The following BMPR1B variants were observed in gnomAD, a reference collection of about 807,000 sequenced individuals.
The protein encoded by BMPR1B is bone morphogenetic protein receptor type 1B.
BMPR1B carries 12 observed loss-of-function variants against 59.1 expected under a neutral mutation model. That is an observed-to-expected ratio of 0.20 (90% confidence interval 0.13 to 0.33). The LOEUF is 0.33. BMPR1B is among the 10% of genes least tolerant of loss of function. BMPR1B has a pLI of 1.00. For synonymous variants in BMPR1B, 237 were observed against 207.3 expected (o/e 1.14, Z -1.23); for missense variants, 550 against 610.9 (o/e 0.90, Z 1.05).
At position 95,058,228 on chromosome 4, in the gene BMPR1B, A is replaced by G. The variant is rs76050055; in HGVS notation, c.-17-46180A>G. On this transcript the variant is annotated intron_variant, in intron 3 of 12. Transcript: ENST00000515059. ...GCTAGTGTTATACATCGTTCATTCA[A>G]TCAGATTCTGGGAACTTAATGTCTG... 3.5e-3 allele frequency among the ~76,000 whole-genome samples: 527 copies of G among 152,296 alleles called. 1 individual carries two copies. The highest frequency in any genetic ancestry group is 0.012 in the African/African-American group (487 of 41,568).
At chr4:95,065,072 A>G (rs1490535077) in intron 3 of BMPR1B, among the ~76,000 whole-genome samples, 1 of 152,204 alleles carries the variant, frequency 6.6e-6, no homozygotes, top group Non-Finnish European at 1.5e-5. Flanking sequence ...ACTTGCACCC[A>G]GATGTTCATA....
At chr4:95,082,911 G>A (rs1729277421) in intron 3 of BMPR1B, among the ~76,000 whole-genome samples, 1 of 151,676 alleles carries the variant, frequency 6.6e-6, no homozygotes, top group South Asian at 2.1e-4. Flanking sequence ...GGTGGCGGGC[G>A]CCTGTAGTCC....
At chr4:94,780,903 T>C (rs548804412) in intron 1 of BMPR1B, among the ~76,000 whole-genome samples, 2 of 152,202 alleles carry the variant, frequency 1.3e-5, no homozygotes, top group East Asian at 3.9e-4. Context: ...TTAGCCAGGA[T>C]GGTCTCGATC....
intron 3 of BMPR1B, among the ~76,000 whole-genome samples, chr4:95,001,083 TAATTATAAGGC>T (rs1414401150): frequency 6.6e-6 from 1 of 152,128 alleles, no homozygotes; most frequent in Non-Finnish European, 1.5e-5. Flanking sequence ...TAGTATTAGG[TAATTATAAGGC>T]CAGTATTTTT....
At chr4:95,006,068 C>T (rs545542822) in intron 3 of BMPR1B, among the ~76,000 whole-genome samples, 3 of 152,136 alleles carry the variant, frequency 2.0e-5, no homozygotes, top group East Asian at 3.9e-4. Flanking sequence ...GTCAGGAGTT[C>T]GAGACCAGCC....
At chr4:94,990,181 C>T (rs779407410) in intron 2 of BMPR1B, among the ~76,000 whole-genome samples, 2 of 152,054 alleles carry the variant, frequency 1.3e-5, no homozygotes, top group Non-Finnish European at 2.9e-5. Context: ...TATGGTGAAA[C>T]CTCATCTCTA....
intron 1 of BMPR1B, among the ~76,000 whole-genome samples, chr4:94,849,461 A>G (rs1369166019): frequency 2.0e-5 from 3 of 152,042 alleles, no homozygotes; most frequent in Non-Finnish European, 4.4e-5. Context: ...GGAAAAAGGG[A>G]GCTGAGAAAT....
chr4:95,075,780 G>A (rs1218714046), intron 3 of BMPR1B, among the ~76,000 whole-genome samples: 1 of 151,942 alleles, frequency 6.6e-6, no homozygotes, highest in Non-Finnish European at 1.5e-5. Context: ...TTTCCAAGTA[G>A]GCACTCAGAT....
chr4:94,812,780 G>T (rs1220797193), intron 1 of BMPR1B, among the ~76,000 whole-genome samples: 1 of 152,246 alleles, frequency 6.6e-6, no homozygotes, highest in Admixed American at 6.5e-5. Flanking sequence ...TTTTGAAAGT[G>T]ATTTTTTTGG....
intron 3 of BMPR1B, chr4:95,091,401 C>A (rs1729977546): frequency 2.2e-6 from 2 of 925,128 alleles, no homozygotes; most frequent in Admixed American, 6.2e-5. Flanking sequence ...TGTCTCTTGC[C>A]AGCTTATAAT....
Position 95,157,639 on chromosome 4 carries a change from T to C in BMPR1B, c.*2966T>C, listed in dbSNP as rs1735513779. 1 of 151,276 alleles carries C rather than the reference T, an allele frequency of 6.6e-6. No homozygotes were observed. The highest frequency in any genetic ancestry group is 2.4e-5 in the African/African-American group (1 of 41,284). 9.4% of individuals were successfully genotyped at this position (151,276 alleles called of 1,614,324 possible). ...GTGTATATATATAAATATATATGTA[T>C]ATATAAATATTATGTTCAGTTTGGA... On this transcript the variant is annotated 3_prime_UTR_variant, in exon 13 of 13. Transcript: ENST00000515059.
intron 11 of BMPR1B, among the ~76,000 whole-genome samples, chr4:95,150,379 C>T (rs1039169985): frequency 1.3e-5 from 2 of 148,326 alleles, no homozygotes; most frequent in Non-Finnish European, 1.5e-5. Context: ...GGAGTCCAAG[C>T]GGGGAGGATC....
intron 1 of BMPR1B, among the ~76,000 whole-genome samples, chr4:94,873,757 C>T (rs530297327): frequency 4.6e-5 from 7 of 152,136 alleles, no homozygotes; most frequent in African/African-American, 7.2e-5. Flanking sequence ...TGTCTTATTG[C>T]GTTTAAAAAA....
intron 1 of BMPR1B, among the ~76,000 whole-genome samples, chr4:94,862,812 G>C (rs1177776719): frequency 3.3e-5 from 5 of 152,020 alleles, no homozygotes; most frequent in Non-Finnish European, 5.9e-5. Context: ...GGGCGTGGTT[G>C]CGGGCACCTG....
intron 1 of BMPR1B, among the ~76,000 whole-genome samples, chr4:94,806,763 G>A (rs948148414): frequency 3.3e-5 from 5 of 152,090 alleles, no homozygotes; most frequent in Admixed American, 2.6e-4. Context: ...CATTTTTAGC[G>A]TAGCGTTGTC....
At chr4:95,024,894 A>G (rs1724245519) in intron 3 of BMPR1B, among the ~76,000 whole-genome samples, 1 of 152,146 alleles carries the variant, frequency 6.6e-6, no homozygotes, top group African/African-American at 2.4e-5. Context: ...TGAGATCAAG[A>G]GATGGAGGCC....
chr4:95,079,276 A>G (rs555229009), intron 3 of BMPR1B, among the ~76,000 whole-genome samples: 3 of 152,330 alleles, frequency 2.0e-5, no homozygotes, highest in African/African-American at 4.8e-5. Context: ...TAGGTGATCC[A>G]TGAGGCCTTC....
chr4:94,766,537 A>G (rs1265702833), intron 1 of BMPR1B, among the ~76,000 whole-genome samples: 1 of 151,728 alleles, frequency 6.6e-6, no homozygotes, highest in South Asian at 2.1e-4. Flanking sequence ...GTCACTGAGC[A>G]TGAGATTTAC....
intron 1 of BMPR1B, among the ~76,000 whole-genome samples, chr4:94,871,627 A>T (rs1726501933): frequency 6.6e-6 from 1 of 152,208 alleles, no homozygotes; most frequent in African/African-American, 2.4e-5. Flanking sequence ...ATAATTAGTT[A>T]TATTGTTCAC....
Sources: gnomAD v4.1 joint callset for allele counts (sites outside exome capture counted in the v4.1 genomes callset) on GRCh38, gnomAD v4.1.1 for gene constraint, MANE v1.5 for transcripts, NCBI Gene and HGNC (gene_info 2026-07-23, HGNC 2026-07-21) for gene names.